ENPP2: variants seen among roughly 807,000 people sequenced by gnomAD.
ENPP2 encodes the protein autotaxin.
Under a neutral mutation model 120.2 loss-of-function variants are expected in ENPP2, and 51 were observed. The observed-to-expected ratio is 0.42, with a 90% confidence interval of 0.34 to 0.54. The LOEUF is 0.54. Among genes scored for constraint, ENPP2 ranks in the 20% least tolerant of loss-of-function variants. The pLI, the probability that ENPP2 is intolerant of heterozygous loss-of-function variation, is 0.04. For missense variants in ENPP2, 920 were observed against 1,066.5 expected (o/e 0.86, Z 1.91); for synonymous variants, 365 against 366.4 (o/e 1.00, Z 0.04).
chr8:119,599,998 C>G (rs1317780676), intron 11 of ENPP2, among the ~76,000 whole-genome samples: 1 of 138,058 alleles, frequency 7.2e-6, no homozygotes, highest in African/African-American at 2.9e-5. Flanking sequence ...CGGAGCAAGA[C>G]TCTGTCTCAA....
rs1340153012 is a variant in ENPP2, at chr8:119,601,610, G to A, written c.834-148C>T. ...CATTTGTAGTAAAAGGCCCTCTTTCGAATTAGCGTTTAAACTACTATTTCC... is the reference window on the plus strand; with the variant it reads ...CATTTGTAGTAAAAGGCCCTCTTTCAAATTAGCGTTTAAACTACTATTTCC... On this transcript the variant is annotated intron_variant, in intron 9 of 24. Transcript: ENST00000075322. 1.9e-5 allele frequency: 12 copies of A among 623,022 alleles called. No homozygotes were observed. The Admixed American group carries it at 2.0e-4, about 10-fold the overall frequency. The allele number at this position is 623,022 out of a possible 1,614,324, so 38.6% of individuals were successfully genotyped here.
intron 2 of ENPP2, among the ~76,000 whole-genome samples, chr8:119,627,696 T>C (rs1816377252): frequency 6.6e-6 from 1 of 151,904 alleles, no homozygotes; most frequent in Non-Finnish European, 1.5e-5. Flanking sequence ...ACCCAGTCTC[T>C]ACTAAAAATA....
chr8:119,631,796 TA>T (rs1469489042), intron 2 of ENPP2, among the ~76,000 whole-genome samples: 1 of 152,162 alleles, frequency 6.6e-6, no homozygotes, highest in Non-Finnish European at 1.5e-5. Flanking sequence ...AATCATTTTT[TA>T]TGGATGAATA....
At chr8:119,655,377 T>C (rs1817740465) in intron 1 of ENPP2, among the ~76,000 whole-genome samples, 1 of 152,208 alleles carries the variant, frequency 6.6e-6, no homozygotes, top group South Asian at 2.1e-4. Flanking sequence ...GGACCTTATG[T>C]TGCCCTGCTA....
At chr8:119,600,455 A>G (rs1814217634) in intron 11 of ENPP2, among the ~76,000 whole-genome samples, 1 of 152,222 alleles carries the variant, frequency 6.6e-6, no homozygotes, top group Non-Finnish European at 1.5e-5. Context: ...TTTAGGATAT[A>G]TTATTATTTA....
intron 16 of ENPP2, 71 bp downstream of exon 16, chr8:119,583,891 C>T (rs1278982042): frequency 2.9e-6 from 4 of 1,378,602 alleles, no homozygotes; most frequent in African/African-American, 2.9e-5. Context: ...CAACTTCACT[C>T]ACACCACCAT....
At chr8:119,649,411 A>AAAAAAAAAAG in intron 1 of ENPP2, among the ~76,000 whole-genome samples, 1 of 150,496 alleles carries the variant, frequency 6.6e-6, no homozygotes, top group Non-Finnish European at 1.5e-5. Context: ...CAAAAAAAAA[A>AAAAAAAAAAG]AAAAGAAAAG....
In ENPP2 at chr8:119,626,625, T is replaced by C; in HGVS notation, c.232A>G (p.Asn78Asp). 6.2e-7 allele frequency: 1 copy of C among 1,614,098 alleles called. No homozygotes were observed. Among genetic ancestry groups the C allele is most frequent in the Non-Finnish European group, 8.5e-7 (1 of 1,179,962 alleles). Residue 78 changes from asparagine to aspartate, a missense_variant, in exon 3 of 25, where the codon AAC becomes GAC. Physicochemically the swap from Asn to Asp is conservative, Grantham distance 23. Transcript: ENST00000075322. ...CAACTGGTATAGCTCTTACACAAGT[T>C]GTCACAGCGACAATCAGGAGGTCCA... Reference protein sequence around the residue: ...EAGPPDCRCDNLCKSYTSCCH... With the variant: ...EAGPPDCRCDDLCKSYTSCCH...
chr8:119,582,823 C>T (rs1370241995), intron 17 of ENPP2, among the ~76,000 whole-genome samples: 3 of 152,064 alleles, frequency 2.0e-5, no homozygotes. Flanking sequence ...AAGTTCATTG[C>T]CTGACCATGA....
intron 1 of ENPP2, among the ~76,000 whole-genome samples, chr8:119,651,581 A>G (rs1361805771): frequency 2.0e-5 from 3 of 152,208 alleles, no homozygotes; most frequent in African/African-American, 7.2e-5. Context: ...CTGTGTGCTG[A>G]AAGAAACCTG....
chr8:119,628,739 G>A (rs1197370727), intron 2 of ENPP2, among the ~76,000 whole-genome samples: 1 of 152,104 alleles, frequency 6.6e-6, no homozygotes, highest in African/African-American at 2.4e-5. Context: ...TAGAAATGAA[G>A]ATAGAAATAA....
At chr8:119,622,043 C>T (rs557598569) in intron 3 of ENPP2, among the ~76,000 whole-genome samples, 1 of 152,320 alleles carries the variant, frequency 6.6e-6, no homozygotes, top group East Asian at 1.9e-4. Flanking sequence ...ATTATCCCGC[C>T]TCAGCCTCCT....
intron 12 of ENPP2, among the ~76,000 whole-genome samples, 171 bp downstream of exon 12, chr8:119,593,581 C>T (rs1813686141): frequency 6.6e-6 from 1 of 152,160 alleles, no homozygotes. Context: ...AGGGATCTCT[C>T]AGGTCATCTC....
At chr8:119,649,587 T>C (rs949359143) in intron 1 of ENPP2, among the ~76,000 whole-genome samples, 2 of 152,144 alleles carry the variant, frequency 1.3e-5, no homozygotes, top group Admixed American at 6.5e-5. Context: ...TCGGAAGACA[T>C]TATTGTCAAT....
At chr8:119,590,663 C>T in intron 12 of ENPP2, 33 bp from the exon 13 acceptor site, 1 of 1,450,152 alleles carries the variant, frequency 6.9e-7, no homozygotes. Context: ...TATTTTCAGG[C>T]AAGACTAAAA....
At chr8:119,563,938 A>G (rs1814177091) in intron 23 of ENPP2, among the ~76,000 whole-genome samples, 1 of 151,278 alleles carries the variant, frequency 6.6e-6, no homozygotes, top group Non-Finnish European at 1.5e-5. Flanking sequence ...TGCTTGTATA[A>G]AATTAAATAA....
chr8:119,623,751 A>C lies in ENPP2; in HGVS notation c.293-2232T>G, dbSNP rs905027608. 2.0e-5 allele frequency among the ~76,000 whole-genome samples: 3 copies of C among 151,850 alleles called. No homozygotes were observed. The South Asian group carries it at 6.3e-4, about 32-fold the overall frequency. On this transcript the variant is annotated intron_variant, in intron 3 of 24. Coordinates refer to ENST00000075322, the MANE Select transcript of ENPP2 (RefSeq NM_001040092.3). ...AGTGATTCTCCTGACTCAGCTTCCC[A>C]AGAAACTGGGATTACAGGTGCCTCC...
intron 1 of ENPP2, among the ~76,000 whole-genome samples, chr8:119,659,320 T>TC (rs1817853460): frequency 1.5e-5 from 1 of 64,888 alleles, no homozygotes; most frequent in East Asian, 6.2e-4. Flanking sequence ...CTGTCTCAAT[T>TC]AAAAAAAAAA....
intron 19 of ENPP2, among the ~76,000 whole-genome samples, chr8:119,578,708 G>A (rs1445717119): frequency 1.3e-5 from 2 of 152,148 alleles, no homozygotes; most frequent in Non-Finnish European, 2.9e-5. Context: ...CAAATCACTT[G>A]TAGAGTTTGT....
Sources: gnomAD v4.1 joint callset for allele counts (sites outside exome capture counted in the v4.1 genomes callset) on GRCh38, gnomAD v4.1.1 for gene constraint, MANE v1.5 for transcripts, NCBI Gene and HGNC (gene_info 2026-07-23, HGNC 2026-07-21) for gene names.